The following LRP1B variants were observed in gnomAD, a reference collection of about 807,000 sequenced individuals.
LRP1B encodes LDL receptor related protein 1B, also known as low-density lipoprotein receptor-related protein 1B.
LRP1B carries 217 observed loss-of-function variants against 556.6 expected under a neutral mutation model. The observed-to-expected ratio is 0.39, with a 90% CI of 0.35 to 0.44. The LOEUF is 0.44. Among genes scored for constraint, LRP1B ranks in the 20% least tolerant of loss-of-function variants. LRP1B has a pLI of 1.00. For synonymous variants in LRP1B, 2,047 were observed against 1,865.8 expected, an observed-to-expected ratio of 1.10 and a Z score of -2.50; for missense variants, 5,053 against 5,620.8, an observed-to-expected ratio of 0.90 and a Z score of 3.23.
rs1316925921 is a variant in LRP1B at position 141,115,459 on chromosome 2, T to TTTG, written c.1014-53187_1014-53186insCAA. 5.6e-4 allele frequency among the ~76,000 whole-genome samples: 12 copies of TTTG among 21,456 alleles called. No homozygotes were observed. The East Asian group carries it at 8.4e-3, about 15-fold the overall frequency. 14.1% of individuals were successfully genotyped at this position (21,456 alleles called of 152,430 possible). On this transcript the variant is annotated intron_variant, in intron 7 of 90. Coordinates refer to ENST00000389484, the MANE Select transcript of LRP1B (RefSeq NM_018557.3). ...CAAAATGAATAGGTTTTTGTTTTTG[T>TTTG]TTTTTTTTTTTTTTTGAGATGGATT...
chr2:141,875,300 T>C (rs548761729), intron 1 of LRP1B, among the ~76,000 whole-genome samples: 1 of 151,882 alleles, frequency 6.6e-6, no homozygotes, highest in Non-Finnish European at 1.5e-5. Context: ...GAACCTGTTA[T>C]CAGGCCACAC....
At chr2:142,099,469 A>T (rs1332121650) in intron 1 of LRP1B, among the ~76,000 whole-genome samples, 2 of 151,958 alleles carry the variant, frequency 1.3e-5, no homozygotes, top group Non-Finnish European at 2.9e-5. Context: ...CTTAAATTTC[A>T]AACCAATTTG....
chr2:141,027,602 C>A (rs1269146713), intron 11 of LRP1B, among the ~76,000 whole-genome samples: 1 of 152,074 alleles, frequency 6.6e-6, no homozygotes, highest in Non-Finnish European at 1.5e-5. Context: ...TGAATAAAGT[C>A]TTTGATTAAC....
At chr2:141,387,911 C>G (rs1378271024) in intron 3 of LRP1B, among the ~76,000 whole-genome samples, 2 of 151,980 alleles carry the variant, frequency 1.3e-5, no homozygotes, top group Non-Finnish European at 2.9e-5. Context: ...ATCAAACAAA[C>G]AGAAAAACAA....
chr2:141,250,245 A>C (rs917354471), intron 4 of LRP1B, among the ~76,000 whole-genome samples: 2 of 152,172 alleles, frequency 1.3e-5, no homozygotes, highest in African/African-American at 4.8e-5. Context: ...GCCTATGCTA[A>C]TGAGGTGACT....
chr2:141,764,695 A>ATT (rs11452954), intron 2 of LRP1B, among the ~76,000 whole-genome samples: 62 of 151,026 alleles, frequency 4.1e-4, no homozygotes, highest in African/African-American at 1.0e-3. Context: ...AGTCTATGGA[A>ATT]TTTTTTTTTA....
rs374097750 is a variant in LRP1B, at chr2:141,480,255, T to C, written c.343+141A>G. On this transcript the variant is annotated intron_variant, in intron 3 of 90. Coordinates refer to ENST00000389484, the MANE Select transcript of LRP1B (RefSeq NM_018557.3). The stretch of plus-strand genomic sequence containing the variant: ...TGCAGCTTTGAAATGCATATTAAAA[T>C]GTCTGGCAGTAAAATTCATGCTTTC... 2,511 of 909,784 alleles carry C rather than the reference T, an allele frequency of 2.8e-3. 72 individuals are homozygous for C. The South Asian group carries it at 0.035, about 13-fold the overall frequency. 56.4% of individuals were successfully genotyped at this position (909,784 alleles called of 1,614,324 possible).
intron 85 of LRP1B, among the ~76,000 whole-genome samples, chr2:140,272,106 AT>A: frequency 6.6e-6 from 1 of 152,108 alleles, no homozygotes; most frequent in Non-Finnish European, 1.5e-5. Context: ...TTGTGTTTGA[AT>A]CCTAAGTTGA....
At chr2:140,926,964 T>C (rs1440166095) in intron 20 of LRP1B, among the ~76,000 whole-genome samples, 1 of 152,096 alleles carries the variant, frequency 6.6e-6, no homozygotes, top group Non-Finnish European at 1.5e-5. Flanking sequence ...TTACATCAGA[T>C]TGAACCCAGT....
At chr2:141,179,057 T>C (rs1312385266) in intron 7 of LRP1B, among the ~76,000 whole-genome samples, 1 of 152,092 alleles carries the variant, frequency 6.6e-6, no homozygotes, top group Non-Finnish European at 1.5e-5. Flanking sequence ...CTGTATAAAT[T>C]ATAATTGTTT....
chr2:141,955,780 G>A (rs1390833842), intron 1 of LRP1B, among the ~76,000 whole-genome samples: 2 of 152,044 alleles, frequency 1.3e-5, no homozygotes, highest in Non-Finnish European at 2.9e-5. Context: ...GGTTTCAGTA[G>A]CCTGTCTCTG....
Position 141,464,606 on chromosome 2 carries a change from A to ATATTTTTTTTTTTTTTTTTTTTTTT in LRP1B, c.343+15789_343+15790insAAAAAAAAAAAAAAAAAAAAAAATA. Among the ~76,000 whole-genome samples, 28 of 90,512 alleles carry ATATTTTTTTTTTTTTTTTTTTTTTT rather than the reference A, an allele frequency of 3.1e-4. 3 individuals carry two copies. Among genetic ancestry groups the ATATTTTTTTTTTTTTTTTTTTTTTT allele is most frequent in the East Asian group, 5.6e-4 (2 of 3,596 alleles). The allele number at this position is 90,512 out of a possible 152,430, so 59.4% of individuals were successfully genotyped here. A position where few individuals can be genotyped will look rare whatever the true frequency, so the allele number is the denominator to read the frequency against. On this transcript the variant is annotated intron_variant, in intron 3 of 90. Coordinates refer to ENST00000389484, the MANE Select transcript of LRP1B (RefSeq NM_018557.3). ...TTTGTATATATATATATATATATAT[A>ATATTTTTTTTTTTTTTTTTTTTTTT]TTTTTTTAGTAGAGATGGGGTTTCA...
chr2:142,077,784 AC>A (rs1705560690), intron 1 of LRP1B, among the ~76,000 whole-genome samples: 1 of 152,122 alleles, frequency 6.6e-6, no homozygotes, highest in Non-Finnish European at 1.5e-5. Flanking sequence ...CTAGTCTATT[AC>A]ATCTGCCCAG....
chr2:141,215,640 C>A (rs1345454963), intron 6 of LRP1B, among the ~76,000 whole-genome samples: 5 of 152,138 alleles, frequency 3.3e-5, no homozygotes, highest in African/African-American at 1.2e-4. Context: ...GGAACTGGAG[C>A]AAAGTTCACA....
intron 47 of LRP1B, among the ~76,000 whole-genome samples, chr2:140,529,611 T>A (rs532814728): frequency 2.0e-5 from 3 of 152,036 alleles, no homozygotes; most frequent in Non-Finnish European, 4.4e-5. Context: ...GTTTATGGAA[T>A]CTTTCAAAGG....
At chr2:141,470,936 C>T (rs1682438348) in intron 3 of LRP1B, among the ~76,000 whole-genome samples, 1 of 152,098 alleles carries the variant, frequency 6.6e-6, no homozygotes, top group African/African-American at 2.4e-5. Context: ...AAATAGTAAA[C>T]ATACCTTCCA....
intron 2 of LRP1B, among the ~76,000 whole-genome samples, chr2:141,497,436 C>T (rs1683546838): frequency 6.6e-6 from 1 of 151,994 alleles, no homozygotes; most frequent in Non-Finnish European, 1.5e-5. Context: ...AAACAAAAAA[C>T]ACCTCTGGTA....
At chr2:140,651,091 T>C (rs1251073803) in intron 41 of LRP1B, among the ~76,000 whole-genome samples, 1 of 152,028 alleles carries the variant, frequency 6.6e-6, no homozygotes, top group East Asian at 1.9e-4. Context: ...TCTCTTTTCT[T>C]CCGAATGGCC....
intron 6 of LRP1B, among the ~76,000 whole-genome samples, chr2:141,212,861 A>G (rs1368737403): frequency 6.6e-6 from 1 of 152,158 alleles, no homozygotes; most frequent in Admixed American, 6.5e-5. Context: ...CGTATAATGA[A>G]ACCATTTTTA....
Sources: gnomAD v4.1 joint callset for allele counts (sites outside exome capture counted in the v4.1 genomes callset) on GRCh38, gnomAD v4.1.1 for gene constraint, MANE v1.5 for transcripts, NCBI Gene and HGNC (gene_info 2026-07-23, HGNC 2026-07-21) for gene names.